Variants in PUDP observed in about 807,000 individuals in gnomAD.
The protein encoded by PUDP is pseudouridine-5'-phosphatase.
A neutral mutation model predicts 9.4 loss-of-function variants in PUDP; 8 were observed. That is an observed-to-expected ratio of 0.85 (90% CI 0.50 to 1.53). The LOEUF (loss-of-function observed/expected upper bound fraction) is 1.53. Ranked by LOEUF, PUDP falls within the 40% of genes most tolerant of loss-of-function variation. The pLI is 0.00. For synonymous variants in PUDP, 99 were observed against 80.7 expected (o/e 1.23, Z -1.22); for missense variants, 188 against 189.7 (o/e 0.99, Z 0.05).
At chrX:6,930,912 C>T (rs940318497) in intron 3 of PUDP, among the ~76,000 whole-genome samples, 2 of 109,069 alleles carry the variant, frequency 1.8e-5, no homozygotes, top group Admixed American at 9.8e-5. Flanking sequence ...ATAGAGGGCA[C>T]CCAGTTAAAT....
chrX:7,050,327 G>T lies in PUDP; in HGVS notation c.656C>A (p.Pro219His). Reference protein sequence around the residue: ...LVLNSLQDFQPELFGLPSYE With the variant: ...LVLNSLQDFQHELFGLPSYE ...ATAGGAGGGCAAACCAAACAGCTCG[G>T]GCTGGAAGTCCTGCAGGGAATTCAG... The change falls in exon 4 of 4, where the codon CCC (proline) becomes CAC (histidine). Residue 219 changes from proline to histidine, a missense_variant. Physicochemically the swap from Pro to His is moderately conservative, Grantham distance 77. Coordinates refer to ENST00000381077, the MANE Select transcript of PUDP (RefSeq NM_012080.5). 2.5e-6 allele frequency: 3 copies of T among 1,211,289 alleles called. No individual in the cohort carries two copies. The South Asian group carries it at 5.3e-5, about 21-fold the overall frequency.
intron 1 of PUDP, among the ~76,000 whole-genome samples, chrX:7,127,630 G>A (rs1269929421): frequency 8.9e-6 from 1 of 112,384 alleles, no homozygotes; most frequent in Non-Finnish European, 1.9e-5. Context: ...ATCATTTAGA[G>A]GGATGCTTAA....
At chrX:6,710,693 T>A (rs2077751929) in intron 1 of PUDP, among the ~76,000 whole-genome samples, 1 of 112,435 alleles carries the variant, frequency 8.9e-6, no homozygotes. Context: ...CTGCTGACGC[T>A]GGATTTCGCA....
chrX:6,891,553 C>T (rs904442260), intron 3 of PUDP, among the ~76,000 whole-genome samples: 2 of 112,382 alleles, frequency 1.8e-5, no homozygotes, highest in Admixed American at 9.4e-5. Flanking sequence ...ACTCCTTTCT[C>T]CTCTCTGTCA....
chrX:6,786,472 G>C (rs950087906), intron 3 of PUDP, among the ~76,000 whole-genome samples: 1 of 112,272 alleles, frequency 8.9e-6, no homozygotes, highest in African/African-American at 3.2e-5. Context: ...GAAACCCTCT[G>C]AATGAATGTT....
At chrX:6,958,743 C>A (rs1928664646) in intron 3 of PUDP, among the ~76,000 whole-genome samples, 1 of 31,580 alleles carries the variant, frequency 3.2e-5, no homozygotes, top group South Asian at 1.5e-3. Context: ...GAAATGCCAT[C>A]TCAAAAAAAA....
chrX:7,081,161 TTTATTA>T (rs1675742822), intron 2 of PUDP, among the ~76,000 whole-genome samples: 1 of 111,473 alleles, frequency 9.0e-6, no homozygotes, highest in Non-Finnish European at 1.9e-5. Context: ...AACAGATTAT[TTTATTA>T]TTATTGTTTT....
intron 3 of PUDP, among the ~76,000 whole-genome samples, chrX:6,932,926 C>T (rs1928221839): frequency 9.1e-6 from 1 of 110,339 alleles, no homozygotes; most frequent in Non-Finnish European, 1.9e-5. Flanking sequence ...GAGGGGCGCC[C>T]GCCATTGCCC....
intron 1 of PUDP, among the ~76,000 whole-genome samples, chrX:7,139,471 A>T (rs924232511): frequency 8.9e-6 from 1 of 111,896 alleles, no homozygotes; most frequent in African/African-American, 3.3e-5. Flanking sequence ...TTTGCTGGAT[A>T]CACAGTGCTG....
intron 3 of PUDP, among the ~76,000 whole-genome samples, chrX:6,767,020 A>C (rs1159900760): frequency 1.8e-5 from 2 of 113,002 alleles, no homozygotes; most frequent in African/African-American, 6.4e-5. Context: ...GTCCATACCA[A>C]TTTTTTAAAC....
At position 6,882,267 on chromosome X, in the gene PUDP, C is replaced by T. The variant is rs1283644796; in HGVS notation, c.*247+94866G>A. ...TATTAGGTCGGTGCTAAAGTAATTG[C>T]GGTTTTTGCCATTACTTTCAATGGT... On this transcript the variant is annotated intron_variant and NMD_transcript_variant, in intron 3 of 3. Coordinates refer to the PUDP transcript ENST00000655425. Among the ~76,000 whole-genome samples the T allele has an allele frequency of 3.8e-5, 4 of 105,555 alleles. No homozygotes were observed. In the East Asian group the frequency reaches 1.6e-3, roughly 43 times the overall value. 91.7% of individuals were successfully genotyped at this position (105,555 alleles called of 115,157 possible). A position where few individuals can be genotyped will look rare whatever the true frequency, so the allele number is the denominator to read the frequency against.
intron 3 of PUDP, among the ~76,000 whole-genome samples, chrX:6,921,390 CA>C (rs1006952151): frequency 2.8e-5 from 3 of 108,687 alleles, no homozygotes; most frequent in African/African-American, 1.0e-4. Flanking sequence ...TCTCAAAAAA[CA>C]AAAAAAAGAA....
At chrX:7,116,959 T>A (rs1015088149) in intron 1 of PUDP, 8 of 1,164,736 alleles carry the variant, frequency 6.9e-6, no homozygotes, top group Admixed American at 5.2e-5. Context: ...TGCCTGCTCC[T>A]GCTTACCCGT....
intron 1 of PUDP, among the ~76,000 whole-genome samples, chrX:7,135,259 C>CTG (rs1932714791): frequency 8.9e-6 from 1 of 112,175 alleles, no homozygotes; most frequent in African/African-American, 3.2e-5. Flanking sequence ...TACTTAGGAG[C>CTG]ATTTTCTGTC....
intron 3 of PUDP, among the ~76,000 whole-genome samples, chrX:6,832,987 T>TACACAC (rs200319848): frequency 9.4e-6 from 1 of 106,306 alleles, no homozygotes; most frequent in South Asian, 4.0e-4. Context: ...CTCTCTGACA[T>TACACAC]ACACACACAC....
chrX:6,778,489 C>T (rs193116890), intron 3 of PUDP, among the ~76,000 whole-genome samples: 37 of 112,781 alleles, frequency 3.3e-4, no homozygotes, highest in Middle Eastern at 4.6e-3. Flanking sequence ...TCCTCAAGTT[C>T]CCCTGCATGT....
chrX:6,932,593 T>A (rs913638351), intron 3 of PUDP, among the ~76,000 whole-genome samples: 2 of 108,901 alleles, frequency 1.8e-5, no homozygotes, highest in East Asian at 3.0e-4. Flanking sequence ...CGGGTTCATC[T>A]CACTAGGGAG....
At chrX:6,983,026 T>C (rs1026453445) in intron 1 of PUDP, among the ~76,000 whole-genome samples, 2 of 112,421 alleles carry the variant, frequency 1.8e-5, no homozygotes, top group Non-Finnish European at 3.8e-5. Context: ...TTCTGATACA[T>C]TGGCAACATG....
At chrX:6,723,923 G>A (rs1924707624), upstream of PUDP, among the ~76,000 whole-genome samples, 1 of 111,509 alleles carries the variant, frequency 9.0e-6, no homozygotes, top group Non-Finnish European at 1.9e-5. Context: ...ATTTATGAAT[G>A]TTCCCCATAT....
Sources: gnomAD v4.1 joint callset for allele counts (sites outside exome capture counted in the v4.1 genomes callset) on GRCh38, gnomAD v4.1.1 for gene constraint, MANE v1.5 for transcripts, NCBI Gene and HGNC (gene_info 2026-07-23, HGNC 2026-07-21) for gene names.